Variants in CHD1 observed in about 807,000 individuals in gnomAD.
CHD1 encodes the protein ATP-dependent chromatin remodeler CHD1.
Under a neutral mutation model 224.2 loss-of-function variants are expected in CHD1, and 36 were observed. That is an observed-to-expected ratio of 0.16 (90% CI 0.12 to 0.21). CHD1 has a LOEUF of 0.21. CHD1 is among the 10% of genes least tolerant of loss of function. The pLI, the probability that CHD1 is intolerant of heterozygous loss-of-function variation, is 1.00. For synonymous variants in CHD1, 668 were observed against 658.3 expected, an observed-to-expected ratio of 1.01 and a Z score of -0.23; for missense variants, 1,378 against 1,994.8, an observed-to-expected ratio of 0.69 and a Z score of 5.89.
At chr5:98,895,200 C>T (rs1047365061) in intron 12 of CHD1, among the ~76,000 whole-genome samples, 3 of 152,094 alleles carry the variant, frequency 2.0e-5, no homozygotes, top group Admixed American at 1.3e-4. Flanking sequence ...TCTTAAAAAA[C>T]GAAGTAAACA....
intron 2 of CHD1, among the ~76,000 whole-genome samples, chr5:98,905,403 T>C (rs1433304249): frequency 1.3e-5 from 2 of 152,228 alleles, no homozygotes; most frequent in Non-Finnish European, 2.9e-5. Flanking sequence ...CAAAATCTAC[T>C]AAGTACAAAA....
At chr5:98,920,573 G>C (rs891569815) in intron 2 of CHD1, among the ~76,000 whole-genome samples, 3 of 152,114 alleles carry the variant, frequency 2.0e-5, no homozygotes, top group Non-Finnish European at 4.4e-5. Context: ...AAGGTGGGTG[G>C]ATTACCTGAG....
Position 98,855,785 on chromosome 5 carries a change from A to T in CHD1, c.*595T>A, listed in dbSNP as rs893793034. The T allele has an allele frequency of 6.6e-6, 1 of 151,504 alleles. No homozygotes were observed. Among genetic ancestry groups the T allele is most frequent in the African/African-American group, 2.4e-5 (1 of 41,326 alleles). The allele number at this position is 151,504 out of a possible 1,614,324, so 9.4% of individuals were successfully genotyped here. A position where few individuals can be genotyped will look rare whatever the true frequency, so the allele number is the denominator to read the frequency against. ...TTAATATTTACAATAATTTACAGCC[A>T]TTTTTTTTGTAAAAAGGCATAATAG... On this transcript the variant is annotated 3_prime_UTR_variant, in exon 36 of 36. Transcript: ENST00000614616.
chr5:98,862,486 T>C (rs1451424345), intron 32 of CHD1, among the ~76,000 whole-genome samples: 1 of 152,228 alleles, frequency 6.6e-6, no homozygotes, highest in Non-Finnish European at 1.5e-5. Context: ...ACCCTTTCCT[T>C]ATAACAAACC....
intron 1 of CHD1, among the ~76,000 whole-genome samples, chr5:98,927,181 T>C (rs1753524195): frequency 6.6e-6 from 1 of 152,152 alleles, no homozygotes; most frequent in Non-Finnish European, 1.5e-5. Context: ...ATTGAAAAGG[T>C]AATAGAATAT....
rs531897387 is a variant in CHD1, at chr5:98,872,591, G to A, written c.3572-36C>T. The A allele has an allele frequency of 2.5e-6, 4 of 1,573,176 alleles. No individual in the cohort carries two copies. In the South Asian group the frequency reaches 4.5e-5, roughly 18 times the overall value. Reference sequence around the variant, plus strand: ...TTTAAAAAAACCAGTATTTTTAAAAGTATAAAACATAATTCTACAAAACAC... The same window carrying A: ...TTTAAAAAAACCAGTATTTTTAAAAATATAAAACATAATTCTACAAAACAC... On this transcript the variant is annotated intron_variant, in intron 26 of 35. Coordinates refer to ENST00000614616, the MANE Select transcript of CHD1 (RefSeq NM_001270.4).
chr5:98,922,108 T>C (rs1753136229), intron 2 of CHD1, among the ~76,000 whole-genome samples: 1 of 152,026 alleles, frequency 6.6e-6, no homozygotes, highest in Non-Finnish European at 1.5e-5. Context: ...GCCAAGATCG[T>C]GCTACTGCAC....
intron 30 of CHD1, 103 bp downstream of exon 30, chr5:98,869,651 C>G (rs1749181319): frequency 3.2e-6 from 4 of 1,232,724 alleles, no homozygotes; most frequent in Admixed American, 2.1e-5. Context: ...CACACACACA[C>G]AGACTTCGGT....
chr5:98,883,390 T>C (rs1387239707), intron 18 of CHD1, among the ~76,000 whole-genome samples, 153 bp from the exon 19 acceptor site: 1 of 152,082 alleles, frequency 6.6e-6, no homozygotes, highest in East Asian at 1.9e-4. Context: ...CAAATATATA[T>C]GTTATTAACA....
intron 2 of CHD1, among the ~76,000 whole-genome samples, chr5:98,911,149 ATATATATATAT>A (rs1561540057): frequency 2.3e-4 from 18 of 77,870 alleles, no homozygotes; most frequent in Non-Finnish European, 3.5e-4. Context: ...AAAAAAAAAT[ATATATATATAT>A]ATATATATAT....
rs70984334 is a variant in CHD1, at chr5:98,917,299, C to CAAAAAAAAAAAAAAAA, written c.53+9034_53+9035insTTTTTTTTTTTTTTTT. Among the ~76,000 whole-genome samples, 93 of 119,796 alleles carry CAAAAAAAAAAAAAAAA rather than the reference C, an allele frequency of 7.8e-4. 6 individuals carry two copies. The highest frequency in any genetic ancestry group is 1.4e-3 in the African/African-American group (35 of 25,310). 78.6% of individuals were successfully genotyped at this position (119,796 alleles called of 152,430 possible). A position where few individuals can be genotyped will look rare whatever the true frequency, so the allele number is the denominator to read the frequency against. On this transcript the variant is annotated intron_variant, in intron 2 of 35. Coordinates refer to ENST00000614616, the MANE Select transcript of CHD1 (RefSeq NM_001270.4). ...GCCCATCCCTCCAAAAACAAAGAAA[C>CAAAAAAAAAAAAAAAA]AAAAAAAAAAAACAACCTCTTAATT...
Position 98,912,680 on chromosome 5 carries a change from A to G in CHD1, c.54-7582T>C, listed in dbSNP as rs56365720. Among the ~76,000 whole-genome samples, 1,403 of 152,266 alleles carry G rather than the reference A, an allele frequency of 9.2e-3. 16 individuals carry two copies. The highest frequency in any genetic ancestry group is 0.026 in the South Asian group (124 of 4,830). ...GGCAAGACTCTGTCTCAAAAAAATAAAATAAAATAAAATAAAGAAAGCAAA... is the reference window on the plus strand; with the variant it reads ...GGCAAGACTCTGTCTCAAAAAAATAGAATAAAATAAAATAAAGAAAGCAAA... On this transcript the variant is annotated intron_variant, in intron 2 of 35. Transcript: ENST00000614616.
intron 29 of CHD1, 72 bp downstream of exon 29, chr5:98,870,615 A>T: frequency 1.3e-6 from 1 of 746,950 alleles, no homozygotes; most frequent in Non-Finnish European, 2.2e-6. Context: ...TCAGATGTTT[A>T]GCATGGTGAA....
At chr5:98,913,552 T>G (rs569916994) in intron 2 of CHD1, among the ~76,000 whole-genome samples, 1 of 152,200 alleles carries the variant, frequency 6.6e-6, no homozygotes, top group Non-Finnish European at 1.5e-5. Flanking sequence ...TAGGGTAAAT[T>G]TGGGACTAAC....
intron 2 of CHD1, among the ~76,000 whole-genome samples, chr5:98,923,781 G>A (rs1753265476): frequency 6.6e-6 from 1 of 152,092 alleles, no homozygotes; most frequent in African/African-American, 2.4e-5. Context: ...TTTAGATATG[G>A]CAGAAAAATA....
At chr5:98,910,939 G>T (rs1752349556) in intron 2 of CHD1, among the ~76,000 whole-genome samples, 1 of 151,062 alleles carries the variant, frequency 6.6e-6, no homozygotes, top group Non-Finnish European at 1.5e-5. Context: ...GTATTTTGAT[G>T]TGCTATTTAT....
intron 2 of CHD1, among the ~76,000 whole-genome samples, chr5:98,906,432 A>AT (rs575273187): frequency 2.6e-5 from 4 of 152,032 alleles, no homozygotes; most frequent in South Asian, 4.1e-4. Context: ...ATATTAAAAG[A>AT]TTTTTTTTCC....
At chr5:98,878,552 T>C (rs562132908) in intron 23 of CHD1, among the ~76,000 whole-genome samples, 1 of 152,326 alleles carries the variant, frequency 6.6e-6, no homozygotes, top group Middle Eastern at 3.4e-3. Context: ...TTTTTGGCAA[T>C]ATAGCTTGGC....
chr5:98,896,168 C>A, intron 12 of CHD1, 58 bp downstream of exon 12: 2 of 1,431,760 alleles, frequency 1.4e-6, no homozygotes, highest in South Asian at 2.3e-5. Context: ...ACAACAAAAA[C>A]ACTTGATCTC....
Sources: allele counts gnomAD v4.1 joint callset (sites outside exome capture counted in the v4.1 genomes callset), GRCh38; gene constraint gnomAD v4.1.1; transcripts MANE v1.5; gene names NCBI Gene and HGNC (gene_info 2026-07-23, HGNC 2026-07-21).